Variants in NEGR1 observed in about 807,000 individuals in gnomAD.
The protein encoded by NEGR1 is neuronal growth regulator 1, also known as IgLON family member 4.
Under a neutral mutation model 40.9 loss-of-function variants are expected in NEGR1, and 10 were observed. The observed-to-expected ratio is 0.24, with a 90% confidence interval of 0.15 to 0.42. The LOEUF is 0.42. Among genes scored for constraint, NEGR1 ranks in the 10% least tolerant of loss-of-function variants. The pLI, the probability that NEGR1 is intolerant of heterozygous loss-of-function variation, is 1.00. For synonymous variants in NEGR1, 185 were observed against 166.8 expected (o/e 1.11, Z -0.84); for missense variants, 352 against 438.9 (o/e 0.80, Z 1.77).
Position 71,410,640 on chromosome 1 carries a change from T to C in NEGR1, c.941-3070A>G, listed in dbSNP as rs770969586. Among the ~76,000 whole-genome samples, 120 of 152,170 alleles carry C rather than the reference T, an allele frequency of 7.9e-4. 1 individual carries two copies. The highest frequency in any genetic ancestry group is 2.8e-4 in the Non-Finnish European group (19 of 68,008). On this transcript the variant is annotated intron_variant, in intron 6 of 6. Transcript: ENST00000357731. ...CATACTTTAGTACACACATATCTCATTTTTAAAATGGTGTTATAACATTCC... is the reference window on the plus strand; with the variant it reads ...CATACTTTAGTACACACATATCTCACTTTTAAAATGGTGTTATAACATTCC...
intron 1 of NEGR1, among the ~76,000 whole-genome samples, chr1:72,179,619 T>C (rs985112483): frequency 6.6e-6 from 1 of 152,068 alleles, no homozygotes; most frequent in African/African-American, 2.4e-5. Context: ...TTAATAAATA[T>C]CTATAAGCAT....
chr1:72,059,154 G>T (rs928057964), intron 1 of NEGR1, among the ~76,000 whole-genome samples: 8 of 151,562 alleles, frequency 5.3e-5, no homozygotes, highest in African/African-American at 1.7e-4. Flanking sequence ...ATGTGACAAG[G>T]TGTCAACAAA....
At chr1:71,807,349 T>C (rs945574864) in intron 2 of NEGR1, among the ~76,000 whole-genome samples, 1 of 151,922 alleles carries the variant, frequency 6.6e-6, no homozygotes, top group Non-Finnish European at 1.5e-5. Flanking sequence ...GACAGAGAAA[T>C]TAAACATTTT....
rs74088168 is a variant in NEGR1 at position 71,563,953 on chromosome 1, G to A, written c.940+28864C>T. ...CTGGAACAGAAGAGGCACACTGATC[G>A]GGGAGGAAAAAAAAAAAGACCAACC... On this transcript the variant is annotated intron_variant, in intron 6 of 6. Coordinates refer to ENST00000357731, the MANE Select transcript of NEGR1 (RefSeq NM_173808.3). Among the ~76,000 whole-genome samples the A allele has an allele frequency of 1.4e-3, 205 of 151,350 alleles. 1 individual carries two copies. The highest frequency in any genetic ancestry group is 4.7e-3 in the African/African-American group (195 of 41,288).
At chr1:72,227,584 T>C (rs1654232970) in intron 1 of NEGR1, among the ~76,000 whole-genome samples, 1 of 152,086 alleles carries the variant, frequency 6.6e-6, no homozygotes, top group Non-Finnish European at 1.5e-5. Flanking sequence ...ATGGGAATGT[T>C]TATATTTCAT....
intron 2 of NEGR1, among the ~76,000 whole-genome samples, chr1:71,871,634 C>G (rs1443775214): frequency 6.6e-6 from 1 of 152,164 alleles, no homozygotes; most frequent in Non-Finnish European, 1.5e-5. Flanking sequence ...CAATACATGA[C>G]AAGTTAAGCT....
Position 72,216,404 on chromosome 1 carries a change from T to TATATATATATATAC in NEGR1, c.176+65914_176+65915insGTATATATATATAT, listed in dbSNP as rs1428984987. On this transcript the variant is annotated intron_variant, in intron 1 of 6. Coordinates refer to ENST00000357731, the MANE Select transcript of NEGR1 (RefSeq NM_173808.3). Reference sequence around the variant, plus strand: ...ATATACATATATATATATATATACATATATATATATATGTATATCTATATA... The same window carrying TATATATATATATAC: ...ATATACATATATATATATATATACATATATATATATATACATATATATATATGTATATCTATATA... Among the ~76,000 whole-genome samples the TATATATATATATAC allele has an allele frequency of 7.5e-3, 977 of 131,140 alleles. 12 individuals carry two copies. The highest frequency in any genetic ancestry group is 0.03 in the African/African-American group (934 of 30,936). The allele number at this position is 131,140 out of a possible 152,430, so 86.0% of individuals were successfully genotyped here.
intron 3 of NEGR1, among the ~76,000 whole-genome samples, chr1:71,737,659 G>A (rs1655082134): frequency 6.6e-6 from 1 of 152,004 alleles, no homozygotes; most frequent in Admixed American, 6.6e-5. Context: ...AATAACCAGT[G>A]CAAAGTAACC....
intron 6 of NEGR1, among the ~76,000 whole-genome samples, chr1:71,489,446 G>GT (rs2101382696): frequency 6.6e-6 from 1 of 151,888 alleles, no homozygotes; most frequent in Non-Finnish European, 1.5e-5. Flanking sequence ...CCCGTTTTGT[G>GT]TAAGTTATTC....
At chr1:71,670,520 TA>T (rs1652384414) in intron 4 of NEGR1, among the ~76,000 whole-genome samples, 1 of 152,158 alleles carries the variant, frequency 6.6e-6, no homozygotes, top group Admixed American at 6.5e-5. Flanking sequence ...AAGTCTTAGC[TA>T]TTATGAGTCA....
intron 2 of NEGR1, among the ~76,000 whole-genome samples, chr1:71,800,354 A>G (rs913136398): frequency 1.3e-5 from 2 of 152,126 alleles, no homozygotes; most frequent in Admixed American, 1.3e-4. Flanking sequence ...TAGTTTAATT[A>G]GCTCCCATTT....
At chr1:72,057,892 A>T (rs1346587638) in intron 1 of NEGR1, among the ~76,000 whole-genome samples, 1 of 151,356 alleles carries the variant, frequency 6.6e-6, no homozygotes, top group African/African-American at 2.4e-5. Context: ...CCTCATCTTT[A>T]TGACCTCATT....
chr1:71,916,366 T>G (rs1278687818), intron 2 of NEGR1, among the ~76,000 whole-genome samples: 2 of 152,112 alleles, frequency 1.3e-5, no homozygotes, highest in Non-Finnish European at 2.9e-5. Context: ...ACAGCAAAGT[T>G]TAAGCAAAGT....
At chr1:71,593,167 T>C (rs1649565288) in intron 5 of NEGR1, among the ~76,000 whole-genome samples, 199 bp from the exon 6 acceptor site, 1 of 152,184 alleles carries the variant, frequency 6.6e-6, no homozygotes, top group African/African-American at 2.4e-5. Flanking sequence ...AGCTGTAGAT[T>C]GTTCCTGTGG....
At chr1:71,995,468 T>C (rs1211531670) in intron 1 of NEGR1, among the ~76,000 whole-genome samples, 2 of 152,092 alleles carry the variant, frequency 1.3e-5, no homozygotes, top group East Asian at 3.9e-4. Flanking sequence ...GGCACATATA[T>C]CAGAGAAATA....
intron 6 of NEGR1, chr1:71,468,261 T>C (rs987860912): frequency 6.6e-6 from 1 of 152,010 alleles, no homozygotes; most frequent in Admixed American, 6.6e-5. Flanking sequence ...ACTCTAACTA[T>C]TAATGAATTT....
intron 1 of NEGR1, among the ~76,000 whole-genome samples, chr1:72,035,132 C>A (rs1646891214): frequency 6.6e-6 from 1 of 152,096 alleles, no homozygotes; most frequent in Admixed American, 6.6e-5. Context: ...AAACCCATCC[C>A]CTAGGACCTA....
At chr1:71,501,314 C>T (rs1355655994) in intron 6 of NEGR1, among the ~76,000 whole-genome samples, 1 of 151,952 alleles carries the variant, frequency 6.6e-6, no homozygotes, top group Non-Finnish European at 1.5e-5. Flanking sequence ...ATTTGTTATG[C>T]ATTAATTGTG....
chr1:72,142,568 C>T lies in NEGR1; in HGVS notation c.176+139751G>A, dbSNP rs12760636. ...ATAGATAGATAGATAGATAGATAGACAGATAGTGATAGAACATAATATCAC... is the reference window on the plus strand; with the variant it reads ...ATAGATAGATAGATAGATAGATAGATAGATAGTGATAGAACATAATATCAC... On this transcript the variant is annotated intron_variant, in intron 1 of 6. Transcript: ENST00000357731. Among the ~76,000 whole-genome samples the T allele has an allele frequency of 7.4e-4, 74 of 100,422 alleles. 1 individual carries two copies. The highest frequency in any genetic ancestry group is 1.5e-3 in the East Asian group (4 of 2,718). The allele number at this position is 100,422 out of a possible 152,430, so 65.9% of individuals were successfully genotyped here.
Sources: allele counts gnomAD v4.1 joint callset (sites outside exome capture counted in the v4.1 genomes callset), GRCh38; gene constraint gnomAD v4.1.1; transcripts MANE v1.5; gene names NCBI Gene and HGNC (gene_info 2026-07-23, HGNC 2026-07-21).